Variants in EDN1 observed in about 807,000 individuals in gnomAD.
EDN1 encodes endothelin 1.
Under a neutral mutation model 21.7 loss-of-function variants are expected in EDN1, and 11 were observed. That is an observed-to-expected ratio of 0.51 (90% CI 0.32 to 0.84). The LOEUF is 0.84. EDN1 is among the 40% of genes least tolerant of loss of function. The pLI, the probability that EDN1 is intolerant of heterozygous loss-of-function variation, is 0.03. For missense variants in EDN1, 244 were observed against 262.3 expected (o/e 0.93, Z 0.48); for synonymous variants, 85 against 90.6 (o/e 0.94, Z 0.35).
the EDN1 span, among the ~76,000 whole-genome samples, chr6:12,275,080 A>G: frequency 4.0e-5 from 6 of 148,510 alleles, no homozygotes; most frequent in East Asian, 1.2e-3. Context: ...TTCCTTCCAG[A>G]TTTCAATGTT....
chr6:12,282,763 A>G, the EDN1 span, among the ~76,000 whole-genome samples: 5 of 152,198 alleles, frequency 3.3e-5, no homozygotes, highest in African/African-American at 1.2e-4. Context: ...ATAAACCAAC[A>G]TAATAAAGTC....
chr6:12,238,597 T>A, the EDN1 span, among the ~76,000 whole-genome samples: 1 of 152,374 alleles, frequency 6.6e-6, no homozygotes, highest in South Asian at 2.1e-4. Context: ...GACTGCCAGC[T>A]GTCCTCGCTT....
Position 12,296,801 on chromosome 6 carries a change from T to C in EDN1, c.*734T>C, listed in dbSNP as rs1203211010. ...GTCAGCAGTAGATATAATATTTTCA[T>C]GGTAATCTACTAGCTCTGATCCATA... On this transcript the variant is annotated 3_prime_UTR_variant, in exon 5 of 5. Coordinates refer to ENST00000379375, the MANE Select transcript of EDN1 (RefSeq NM_001955.5). The C allele has an allele frequency of 6.6e-6, 1 of 152,292 alleles. No homozygotes were observed. The highest frequency in any genetic ancestry group is 1.5e-5 in the Non-Finnish European group (1 of 68,132). 9.4% of individuals were successfully genotyped at this position (152,292 alleles called of 1,614,324 possible).
chr6:12,272,367 G>A, the EDN1 span, among the ~76,000 whole-genome samples: 2 of 151,972 alleles, frequency 1.3e-5, no homozygotes, highest in Non-Finnish European at 2.9e-5. Context: ...GGAAGAGCTG[G>A]AGTGAGGAAA....
At chr6:12,234,386 A>C in the EDN1 span, among the ~76,000 whole-genome samples, 1 of 152,212 alleles carries the variant, frequency 6.6e-6, no homozygotes, top group African/African-American at 2.4e-5. Context: ...CATGGGGTGA[A>C]TCCCATGTTC....
At chr6:12,293,359 G>C (rs1208795680) in intron 2 of EDN1, among the ~76,000 whole-genome samples, 5 of 152,160 alleles carry the variant, frequency 3.3e-5, no homozygotes, top group Admixed American at 3.3e-4. Flanking sequence ...GAAATTATTG[G>C]AGAGCCCTCT....
chr6:12,284,726 AGG>A, the EDN1 span, among the ~76,000 whole-genome samples: 1 of 108,440 alleles, frequency 9.2e-6, no homozygotes, highest in Non-Finnish European at 1.9e-5. Context: ...AAGGAAAGGA[AGG>A]AAGGAAGGAA....
chr6:12,266,176 A>AT, the EDN1 span, among the ~76,000 whole-genome samples: 2 of 152,306 alleles, frequency 1.3e-5, no homozygotes, highest in Non-Finnish European at 1.5e-5. Flanking sequence ...TAATTACGTG[A>AT]TTTTGTCTCA....
the EDN1 span, among the ~76,000 whole-genome samples, chr6:12,235,086 G>T: frequency 6.6e-6 from 1 of 152,192 alleles, no homozygotes; most frequent in Non-Finnish European, 1.5e-5. Context: ...TTAGAAGGGA[G>T]ATCTCGCCCC....
chr6:12,245,701 T>C, the EDN1 span, among the ~76,000 whole-genome samples: 3 of 152,198 alleles, frequency 2.0e-5, no homozygotes, highest in Non-Finnish European at 4.4e-5. Flanking sequence ...AACAAATGCA[T>C]TTTTCCTTCC....
the EDN1 span, among the ~76,000 whole-genome samples, chr6:12,251,722 C>T: frequency 6.6e-6 from 1 of 152,176 alleles, no homozygotes; most frequent in Non-Finnish European, 1.5e-5. Context: ...TTGCTGATGT[C>T]ACAGCCTGGA....
the EDN1 span, among the ~76,000 whole-genome samples, chr6:12,242,002 G>A: frequency 6.6e-6 from 1 of 152,216 alleles, no homozygotes; most frequent in Non-Finnish European, 1.5e-5. Context: ...AACCCCGTTA[G>A]GTAATAGGCT....
chr6:12,295,844 G>A, intron 4 of EDN1, 118 bp from the exon 5 acceptor site: 2 of 971,396 alleles, frequency 2.1e-6, no homozygotes, highest in South Asian at 2.8e-5. Flanking sequence ...GGCGGGTGGT[G>A]AAAGTTCACA....
the EDN1 span, among the ~76,000 whole-genome samples, chr6:12,231,738 A>ATT: frequency 4.0e-5 from 6 of 150,144 alleles, no homozygotes; most frequent in Non-Finnish European, 7.4e-5. Context: ...TTCTTGTCTG[A>ATT]TTTTTTTTTT....
upstream of EDN1, among the ~76,000 whole-genome samples, chr6:12,286,695 G>GT (rs1333463241): frequency 6.6e-6 from 1 of 152,216 alleles, no homozygotes; most frequent in Non-Finnish European, 1.5e-5. Flanking sequence ...ATTTGCTACT[G>GT]TGTAGTATCT....
the EDN1 span, among the ~76,000 whole-genome samples, chr6:12,260,382 T>G: frequency 6.6e-6 from 1 of 152,182 alleles, no homozygotes. Context: ...TGCCTTCTCC[T>G]CCCTACTCTG....
chr6:12,258,012 T>G, the EDN1 span, among the ~76,000 whole-genome samples: 3 of 151,236 alleles, frequency 2.0e-5, no homozygotes, highest in Non-Finnish European at 3.0e-5. Context: ...ACATGAGGAG[T>G]GCAAATAATT....
the EDN1 span, among the ~76,000 whole-genome samples, chr6:12,282,563 C>T: frequency 5.3e-5 from 8 of 152,182 alleles, no homozygotes; most frequent in Admixed American, 3.9e-4. Flanking sequence ...GGGCTCCAGG[C>T]CTGATCCTTT....
chr6:12,235,223 C>T, the EDN1 span, among the ~76,000 whole-genome samples: 13 of 152,132 alleles, frequency 8.5e-5, no homozygotes, highest in Admixed American at 6.5e-4. Context: ...TAAAGTACAG[C>T]GCAATTGTAT....
Sources: allele counts gnomAD v4.1 joint callset (sites outside exome capture counted in the v4.1 genomes callset), GRCh38; gene constraint gnomAD v4.1.1; transcripts MANE v1.5; gene names NCBI Gene and HGNC (gene_info 2026-07-23, HGNC 2026-07-21).